Variants in MAN1A2 observed in about 807,000 individuals in gnomAD.
The protein encoded by MAN1A2 is mannosidase alpha class 1A member 2.
MAN1A2 carries 26 observed loss-of-function variants against 75.7 expected under a neutral mutation model. The observed-to-expected ratio is 0.34, with a 90% CI of 0.25 to 0.48. The LOEUF (loss-of-function observed/expected upper bound fraction) is 0.48, where lower values mean the gene tolerates loss of function less well. Ranked by LOEUF, MAN1A2 falls within the 20% of genes least tolerant of loss-of-function variation. The pLI is 0.99. For missense variants in MAN1A2, 562 were observed against 775.5 expected (o/e 0.72, Z 3.27); for synonymous variants, 247 against 264.6 (o/e 0.93, Z 0.65).
At chr1:117,408,532 GTGATT>G (rs1390104456) in intron 3 of MAN1A2, among the ~76,000 whole-genome samples, 1 of 151,930 alleles carries the variant, frequency 6.6e-6, no homozygotes, top group African/African-American at 2.4e-5. Context: ...TGACTTAACT[GTGATT>G]TGATTTGTAC....
chr1:117,456,251 C>T (rs1649579501), intron 6 of MAN1A2, among the ~76,000 whole-genome samples: 1 of 151,896 alleles, frequency 6.6e-6, no homozygotes, highest in South Asian at 2.1e-4. Flanking sequence ...TAAGGTAAAA[C>T]AATATGTTGC....
intron 1 of MAN1A2, among the ~76,000 whole-genome samples, chr1:117,399,656 C>T (rs1647345011): frequency 6.6e-6 from 1 of 152,198 alleles, no homozygotes; most frequent in Non-Finnish European, 1.5e-5. Context: ...TCTTTCTCTT[C>T]TGTCCTGAAC....
intron 9 of MAN1A2, chr1:117,494,959 G>A (rs1650991633): frequency 6.7e-6 from 1 of 150,084 alleles, no homozygotes; most frequent in African/African-American, 2.4e-5. Context: ...TTATATTTGA[G>A]AACATGTGAT....
chr1:117,399,551 A>T (rs1017785603), intron 1 of MAN1A2, among the ~76,000 whole-genome samples: 8 of 152,166 alleles, frequency 5.3e-5, no homozygotes, highest in Non-Finnish European at 1.2e-4. Flanking sequence ...TCAGCTGGAA[A>T]TGTCAGAATA....
chr1:117,424,242 C>G (rs574042077), intron 5 of MAN1A2, among the ~76,000 whole-genome samples: 3 of 152,026 alleles, frequency 2.0e-5, no homozygotes, highest in South Asian at 4.2e-4. Flanking sequence ...TTGTGTGGTC[C>G]TTTTCTTTTT....
chr1:117,383,882 A>G (rs1653435844), intron 1 of MAN1A2, among the ~76,000 whole-genome samples: 1 of 152,114 alleles, frequency 6.6e-6, no homozygotes, highest in Admixed American at 6.6e-5. Context: ...CAGTCTCTTC[A>G]GTAGCTGGGA....
chr1:117,396,425 A>G (rs1198038521), intron 1 of MAN1A2, among the ~76,000 whole-genome samples: 1 of 152,232 alleles, frequency 6.6e-6, no homozygotes, highest in Non-Finnish European at 1.5e-5. Context: ...TTTACAAATG[A>G]AAGTCTAACA....
chr1:117,456,897 C>T (rs960245357), intron 6 of MAN1A2, among the ~76,000 whole-genome samples: 1 of 152,032 alleles, frequency 6.6e-6, no homozygotes, highest in Non-Finnish European at 1.5e-5. Context: ...GGAGCTCCAT[C>T]AAACCATTAT....
At chr1:117,372,604 T>C (rs1472981242) in intron 1 of MAN1A2, among the ~76,000 whole-genome samples, 1 of 152,106 alleles carries the variant, frequency 6.6e-6, no homozygotes, top group African/African-American at 2.4e-5. Context: ...TGTAGTTTGG[T>C]GTTGATTATG....
intron 8 of MAN1A2, among the ~76,000 whole-genome samples, chr1:117,490,324 A>G (rs907958629): frequency 2.0e-5 from 3 of 151,936 alleles, no homozygotes; most frequent in African/African-American, 7.2e-5. Flanking sequence ...AATTCTTGCA[A>G]TATTTCAAAT....
intron 5 of MAN1A2, among the ~76,000 whole-genome samples, chr1:117,423,862 TTTC>T (rs1236735762): frequency 6.6e-6 from 1 of 151,568 alleles, no homozygotes. Context: ...GCAATTGATT[TTTC>T]TTTTTTTCTT....
chr1:117,406,897 A>G (rs1487639865), intron 3 of MAN1A2, among the ~76,000 whole-genome samples: 2 of 152,120 alleles, frequency 1.3e-5, no homozygotes, highest in South Asian at 2.1e-4. Flanking sequence ...GAGTATAAAA[A>G]TGTATTGAAA....
chr1:117,431,660 A>G (rs545928316), intron 5 of MAN1A2, among the ~76,000 whole-genome samples: 1 of 152,340 alleles, frequency 6.6e-6, no homozygotes, highest in South Asian at 2.1e-4. Context: ...GAAATAGTAC[A>G]GAGTATGGCT....
At chr1:117,508,824 T>A (rs1651446543) in intron 12 of MAN1A2, among the ~76,000 whole-genome samples, 1 of 151,686 alleles carries the variant, frequency 6.6e-6, no homozygotes, top group South Asian at 2.1e-4. Context: ...TATCAAAATG[T>A]GAACTGTAGT....
intron 8 of MAN1A2, among the ~76,000 whole-genome samples, chr1:117,480,073 G>A (rs1435041593): frequency 6.6e-6 from 1 of 151,898 alleles, no homozygotes; most frequent in East Asian, 1.9e-4. Flanking sequence ...GCACCAGGCA[G>A]TGTTCCCACC....
intron 2 of MAN1A2, among the ~76,000 whole-genome samples, chr1:117,403,856 G>T (rs1363675683): frequency 6.6e-6 from 1 of 152,084 alleles, no homozygotes; most frequent in Non-Finnish European, 1.5e-5. Flanking sequence ...CAACTTTAGG[G>T]GTTAAGCATC....
chr1:117,442,191 A>C, intron 5 of MAN1A2, 40 bp from the exon 6 acceptor site: 7 of 1,232,822 alleles, frequency 5.7e-6, no homozygotes, highest in Non-Finnish European at 8.4e-6. Context: ...AATGCTTACT[A>C]ATGGCTATAA....
intron 12 of MAN1A2, among the ~76,000 whole-genome samples, chr1:117,516,197 A>G (rs762099482): frequency 2.0e-5 from 3 of 152,142 alleles, no homozygotes; most frequent in Non-Finnish European, 4.4e-5. Flanking sequence ...AAAATAACAG[A>G]TTATATTCCA....
chr1:117,372,708 C>T lies in MAN1A2; in HGVS notation c.302+4223C>T, dbSNP rs538785256. ...ACGCTAATATACATAAAGTAATATA[C>T]GTAAGTATACTTTGTGTACATAATA... On this transcript the variant is annotated intron_variant, in intron 1 of 12. Coordinates refer to ENST00000356554, the MANE Select transcript of MAN1A2 (RefSeq NM_006699.5). Among the ~76,000 whole-genome samples, 323 of 151,352 alleles carry T rather than the reference C, an allele frequency of 2.1e-3. 1 individual carries two copies. Among genetic ancestry groups the T allele is most frequent in the African/African-American group, 5.9e-3 (243 of 41,214 alleles).
Sources: gnomAD v4.1 joint callset for allele counts (sites outside exome capture counted in the v4.1 genomes callset) on GRCh38, gnomAD v4.1.1 for gene constraint, MANE v1.5 for transcripts, NCBI Gene and HGNC (gene_info 2026-07-23, HGNC 2026-07-21) for gene names.